MYO15A: variants seen among roughly 807,000 people sequenced by gnomAD.
The protein encoded by MYO15A is unconventional myosin-XV.
A neutral mutation model predicts 394.6 loss-of-function variants in MYO15A; 308 were observed. The observed-to-expected ratio is 0.78, with a 90% CI of 0.71 to 0.86. MYO15A has a LOEUF of 0.86. Ranked by LOEUF, MYO15A falls within the 40% of genes least tolerant of loss-of-function variation. MYO15A has a pLI of 0.00. For missense variants in MYO15A, 4,606 were observed against 4,799.1 expected (o/e 0.96, Z 1.19); for synonymous variants, 1,957 against 2,003.8 (o/e 0.98, Z 0.62).
chr17:18,141,171 T>A, intron 22 of MYO15A, 28 bp downstream of exon 22: 4 of 1,612,470 alleles, frequency 2.5e-6, no homozygotes, highest in Non-Finnish European at 3.4e-6. Flanking sequence ...GTTCCTGAGC[T>A]CTACAAATCC....
At position 18,138,915 on chromosome 17, in the gene MYO15A, T is replaced by C. The variant is rs1597789075; in HGVS notation, c.5112T>C (p.Tyr1704=). ...TGCCTGAGTTCACCATCAAGCACTA[T>C]GCAGGCAAGGTCACCTACCAGGTGA... ...MPLPEFTIKH[Y]AGKVTYQVHK... The change falls in exon 18 of 66, where the codon TAT becomes TAC. Residue 1704 remains tyrosine (Y), a synonymous_variant. Coordinates refer to ENST00000647165, the MANE Select transcript of MYO15A (RefSeq NM_016239.4). 6.2e-7 allele frequency: 1 copy of C among 1,612,918 alleles called. No individual in the cohort carries two copies. Among genetic ancestry groups the C allele is most frequent in the Non-Finnish European group, 8.5e-7 (1 of 1,179,472 alleles).
Position 18,150,814 on chromosome 17 carries a change from C to G in MYO15A, c.7396-22C>G. On this transcript the variant is annotated intron_variant, in intron 37 of 65. Transcript: ENST00000647165. The surrounding 1 kb of genome is among the most constrained non-coding windows in gnomAD (Gnocchi z 4.4). ...GGGGTGGAGAATGGACCTGCCTGGT[C>G]ACCACTGCCACCTCTCCCCAGGCCC... The G allele has an allele frequency of 6.3e-7, 1 of 1,587,766 alleles. No individual in the cohort carries two copies.
chr17:18,122,474 C>G, intron 2 of MYO15A, 65 bp downstream of exon 2: 1 of 1,555,736 alleles, frequency 6.4e-7, no homozygotes, highest in Non-Finnish European at 8.7e-7. Flanking sequence ...GCAAGAGAGA[C>G]AGCCTGAGGA....
At chr17:18,142,583 C>T (rs771514830) in intron 24 of MYO15A, among the ~76,000 whole-genome samples, 173 bp from the exon 25 acceptor site, 1 of 152,220 alleles carries the variant, frequency 6.6e-6, no homozygotes, top group Non-Finnish European at 1.5e-5. Flanking sequence ...GCTGTGTGAC[C>T]TTGGCAAAGT....
chr17:18,162,590 G>A lies in MYO15A; in HGVS notation c.9523G>A (p.Ala3175Thr), dbSNP rs367906164. ...TGAACTCCCTGCTTCTGCAGGGATCGCCAAGGCCTGCGAGCAGAACCTGCA... is the reference window on the plus strand; with the variant it reads ...TGAACTCCCTGCTTCTGCAGGGATCACCAAGGCCTGCGAGCAGAACCTGCA... ...RTPGLPFQGI[A>T]KACEQNLQKT... The change falls in exon 58 of 66, where the codon GCC (alanine) becomes ACC (threonine). Residue 3175 changes from alanine to threonine, a missense_variant. Around this residue, in one of 2 missense-constraint regions of MYO15A, gnomAD observed 2,776 missense variants for 3,109.3 expected, o/e 0.89. Transcript: ENST00000647165. 1.8e-5 allele frequency: 29 copies of A among 1,613,600 alleles called. No individual in the cohort carries two copies. Among genetic ancestry groups the A allele is most frequent in the Admixed American group, 3.3e-5 (2 of 60,002 alleles).
chr17:18,171,336 C>A (rs1236473130), intron 62 of MYO15A, among the ~76,000 whole-genome samples: 1 of 152,220 alleles, frequency 6.6e-6, no homozygotes, highest in Non-Finnish European at 1.5e-5. Context: ...CTTGCCCCCA[C>A]CAACCCATGC....
chr17:18,179,289 C>G lies in MYO15A; in HGVS notation c.*419C>G, dbSNP rs761341163. The G allele has an allele frequency of 7.2e-6, 2 of 279,588 alleles. No homozygotes were observed. Among genetic ancestry groups the G allele is most frequent in the Non-Finnish European group, 7.1e-6 (1 of 141,522 alleles). The allele number at this position is 279,588 out of a possible 1,614,324, so 17.3% of individuals were successfully genotyped here. On this transcript the variant is annotated 3_prime_UTR_variant, in exon 66 of 66. Coordinates refer to ENST00000647165, the MANE Select transcript of MYO15A (RefSeq NM_016239.4). ...TTGGAATCTGCTCCAACTCCACACC[C>G]TAGCCCTTACATGTCCTCCTAAGGG...
At chr17:18,164,858 A>T (rs1430076833) in intron 60 of MYO15A, 1 of 124,782 alleles carries the variant, frequency 8.0e-6, no homozygotes, top group Admixed American at 8.2e-5. Context: ...AAAAAAAAAA[A>T]GCCAGGTGTG....
chr17:18,157,528 TG>T, intron 50 of MYO15A, 193 bp from the exon 51 acceptor site: 1 of 1,197,080 alleles, frequency 8.4e-7, no homozygotes, highest in Non-Finnish European at 1.1e-6. Flanking sequence ...TTCCCCTTTA[TG>T]GTCCTGTGGC....
At chr17:18,175,228 C>G (rs2046998332) in intron 65 of MYO15A, among the ~76,000 whole-genome samples, 1 of 151,428 alleles carries the variant, frequency 6.6e-6, no homozygotes, top group South Asian at 2.1e-4. Flanking sequence ...CTTCTCCAGC[C>G]TTCTTGTGTG....
chr17:18,121,413 G>T lies in MYO15A; in HGVS notation c.2613G>T (p.Thr871=). 1 of 1,541,496 alleles carries T rather than the reference G, an allele frequency of 6.5e-7. No individual in the cohort carries two copies. The highest frequency in any genetic ancestry group is 8.7e-7 in the Non-Finnish European group (1 of 1,145,660). Residue 871 remains threonine, a synonymous_variant, in exon 2 of 66, where the codon ACG becomes ACT. Coordinates refer to ENST00000647165, the MANE Select transcript of MYO15A (RefSeq NM_016239.4). This position sits in a 1 kb window ranked among gnomAD's most constrained non-coding sequence, Gnocchi z 5.3. ...SLNLPSRLPH[T]WRRLSEPPTR... ...ATCTGCCCTCGCGCCTCCCGCACAC[G>T]TGGCGGCGCCTCAGCGAGCCACCCA...
chr17:18,154,658 G>T, intron 44 of MYO15A, 22 bp from the exon 45 acceptor site: 1 of 1,612,230 alleles, frequency 6.2e-7, no homozygotes. Flanking sequence ...TGTGCTGCCT[G>T]CATCACAGCC....
chr17:18,159,602 A>G lies in MYO15A; in HGVS notation c.9230-4A>G. The G allele has an allele frequency of 6.2e-7, 1 of 1,613,194 alleles. No homozygotes were observed. Among genetic ancestry groups the G allele is most frequent in the South Asian group, 1.1e-5 (1 of 91,042 alleles). ...GGTCTGAGTGGGATAGGTCTTTCCTACAGCTGTAATGAGGTTCATGGGGGA... is the reference window on the plus strand; with the variant it reads ...GGTCTGAGTGGGATAGGTCTTTCCTGCAGCTGTAATGAGGTTCATGGGGGA... On this transcript the variant is annotated splice_polypyrimidine_tract_variant and splice_region_variant and intron_variant, in intron 54 of 65. Transcript: ENST00000647165.
In MYO15A at chr17:18,160,000, C is replaced by T. The variant is rs150889871; in HGVS notation, c.9369C>T (p.Asp3123=). The T allele has an allele frequency of 1.0e-4, 165 of 1,612,712 alleles. No individual in the cohort carries two copies. The African/African-American group carries it at 1.8e-3, about 18-fold the overall frequency. ...CYCQVVKQIT[D]NTSSKQDSCQ... ...GCCAAGTTGTGAAGCAGATCACAGA[C>T]AATACCAGCTCCAAGCAGTGAGTGA... Residue 3123 remains aspartate (D), a synonymous_variant, in exon 56 of 66, where the codon GAC becomes GAT. Transcript: ENST00000647165.
chr17:18,136,801 C>A, intron 15 of MYO15A, 115 bp downstream of exon 15: 1 of 1,380,418 alleles, frequency 7.2e-7, no homozygotes, highest in Non-Finnish European at 9.8e-7. Context: ...TGCCATCCTC[C>A]CTTCATGGAC....
At chr17:18,174,670 C>A (rs545274774) in intron 65 of MYO15A, among the ~76,000 whole-genome samples, 4 of 152,174 alleles carry the variant, frequency 2.6e-5, no homozygotes, top group Non-Finnish European at 5.9e-5. Flanking sequence ...CTCACACCCC[C>A]CTGGGGTCAG....
intron 65 of MYO15A, 36 bp downstream of exon 65, chr17:18,173,957 G>A (rs368949307): frequency 1.9e-6 from 3 of 1,604,782 alleles, no homozygotes; most frequent in Non-Finnish European, 2.6e-6. Flanking sequence ...TCCACTCACT[G>A]GGCCCTTCTC....
chr17:18,122,498 T>G, intron 2 of MYO15A, 89 bp downstream of exon 2: 1 of 1,508,054 alleles, frequency 6.6e-7, no homozygotes, highest in Non-Finnish European at 8.8e-7. Context: ...CTGTGCAACC[T>G]TGGAGAGAGG....
Position 18,136,574 on chromosome 17 carries a change from C to A in MYO15A, c.4667C>A (p.Ala1556Asp). 1 of 1,614,048 alleles carries A rather than the reference C, an allele frequency of 6.2e-7. No homozygotes were observed. Among genetic ancestry groups the A allele is most frequent in the Middle Eastern group, 1.6e-4 (1 of 6,062 alleles). ...ESAVDARDAIAKVLYALLFSW... is the reference protein window; with the variant it reads ...ESAVDARDAIDKVLYALLFSW... The stretch of plus-strand genomic sequence containing the variant: ...CACCTCTGCTCCAGGGACGCCATCG[C>A]CAAGGTCTTGTATGCACTGCTGTTC... The change falls in exon 15 of 66, where the codon GCC (alanine) becomes GAC (aspartate). Residue 1556 changes from alanine to aspartate, a missense_variant. Ala to Asp is a moderately radical substitution (Grantham distance 126). Coordinates refer to ENST00000647165, the MANE Select transcript of MYO15A (RefSeq NM_016239.4).
Sources: gnomAD v4.1 joint callset for allele counts (sites outside exome capture counted in the v4.1 genomes callset) on GRCh38, gnomAD v4.1.1 for gene constraint, gnomAD v4.1.1 regional missense constraint, Gnocchi (gnomAD v3.1) non-coding constraint, MANE v1.5 for transcripts, NCBI Gene and HGNC (gene_info 2026-07-23, HGNC 2026-07-21) for gene names.